Variants in ACOT7 observed in about 807,000 individuals in gnomAD.
ACOT7 encodes acyl-CoA thioesterase 7, also known as cytosolic acyl coenzyme A thioester hydrolase.
Under a neutral mutation model 40.2 loss-of-function variants are expected in ACOT7, and 12 were observed. The ratio of observed to expected loss-of-function variants is 0.30; its 90% confidence interval spans 0.19 to 0.48. ACOT7 has a LOEUF of 0.48. Among genes scored for constraint, ACOT7 ranks in the 20% least tolerant of loss-of-function variants. The probability of loss-of-function intolerance (pLI) is 0.99; values close to 1 mark genes in which losing one functional copy is unlikely to be tolerated. For synonymous variants in ACOT7, 228 were observed against 219.5 expected (o/e 1.04, Z -0.34); for missense variants, 395 against 530.8 (o/e 0.74, Z 2.51).
chr1:6,318,606 T>C, intron 5 of ACOT7, 28 bp from the exon 6 acceptor site: 1 of 1,608,278 alleles, frequency 6.2e-7, no homozygotes, highest in Admixed American at 1.7e-5. Flanking sequence ...AGAGATTAGT[T>C]ATGGGGTAGG....
At chr1:6,340,362 T>C (rs1641243818) in intron 2 of ACOT7, among the ~76,000 whole-genome samples, 1 of 152,234 alleles carries the variant, frequency 6.6e-6, no homozygotes, top group Non-Finnish European at 1.5e-5. Context: ...CCCCAAGTGA[T>C]GGGATCACCA....
intron 8 of ACOT7, among the ~76,000 whole-genome samples, chr1:6,265,204 C>A (rs1307691017): frequency 6.6e-6 from 1 of 152,178 alleles, no homozygotes; most frequent in African/African-American, 2.4e-5. Context: ...ACACAGTCAC[C>A]ACCCCGCAGA....
intron 2 of ACOT7, among the ~76,000 whole-genome samples, chr1:6,345,971 T>G (rs1641408742): frequency 6.6e-6 from 1 of 152,196 alleles, no homozygotes; most frequent in East Asian, 1.9e-4. Flanking sequence ...ATGCTCAGTC[T>G]GGAGAAACCA....
At chr1:6,327,438 G>C in intron 4 of ACOT7, 25 bp from the exon 5 acceptor site, 1 of 1,611,960 alleles carries the variant, frequency 6.2e-7, no homozygotes. Flanking sequence ...AGACAGGTCA[G>C]GCCCAGGCAG....
chr1:6,364,685 T>A (rs1641962651), intron 1 of ACOT7, among the ~76,000 whole-genome samples: 1 of 148,184 alleles, frequency 6.7e-6, no homozygotes, highest in African/African-American at 2.5e-5. Flanking sequence ...TCATCCCTAC[T>A]AAAAATACAA....
At chr1:6,335,897 G>A (rs991230829) in intron 3 of ACOT7, among the ~76,000 whole-genome samples, 1 of 152,182 alleles carries the variant, frequency 6.6e-6, no homozygotes, top group African/African-American at 2.4e-5. Context: ...ATTTCCTGTT[G>A]GATTCAGCTA....
intron 6 of ACOT7, among the ~76,000 whole-genome samples, chr1:6,308,835 A>G (rs1441391962): frequency 6.6e-6 from 1 of 152,138 alleles, no homozygotes; most frequent in African/African-American, 2.4e-5. Context: ...GGGCGGAGGG[A>G]ACAGCGACCG....
At chr1:6,304,247 T>G (rs1262634609) in intron 6 of ACOT7, among the ~76,000 whole-genome samples, 1 of 144,182 alleles carries the variant, frequency 6.9e-6, no homozygotes, top group Non-Finnish European at 1.5e-5. Flanking sequence ...ATGTTGTCAG[T>G]GGGTATCTGC....
At chr1:6,310,281 A>C (rs1268152541) in intron 6 of ACOT7, among the ~76,000 whole-genome samples, 3 of 152,248 alleles carry the variant, frequency 2.0e-5, no homozygotes, top group Non-Finnish European at 4.4e-5. Context: ...ACCCACACTC[A>C]GGGGCAGGTG....
intron 6 of ACOT7, among the ~76,000 whole-genome samples, chr1:6,315,676 G>A (rs1415743038): frequency 4.0e-5 from 6 of 148,206 alleles, no homozygotes; most frequent in Non-Finnish European, 7.4e-5. Context: ...GTGTGAACCC[G>A]GGAGGCAGAG....
At position 6,264,375 on chromosome 1, in the gene ACOT7, C is replaced by T. The variant is rs75850189; in HGVS notation, c.*222G>A. On this transcript the variant is annotated 3_prime_UTR_variant, in exon 9 of 9. Coordinates refer to ENST00000361521, the MANE Select transcript of ACOT7 (RefSeq NM_007274.4). ...TTTCTGCCCAACGCCTCCCGGCGCT[C>T]GGGACAACACTGTGTAGCATTGATA... 4,048 of 521,684 alleles carry T rather than the reference C, an allele frequency of 7.8e-3. 129 individuals carry two copies. Among genetic ancestry groups the T allele is most frequent in the African/African-American group, 0.066 (3,367 of 50,750 alleles). 32.3% of individuals were successfully genotyped at this position (521,684 alleles called of 1,614,324 possible).
chr1:6,308,009 G>C (rs1197010285), intron 6 of ACOT7, among the ~76,000 whole-genome samples: 1 of 151,834 alleles, frequency 6.6e-6, no homozygotes, highest in Non-Finnish European at 1.5e-5. Context: ...CAACCAGGCA[G>C]AGGGAACTAC....
chr1:6,363,761 G>A (rs1182531619), intron 1 of ACOT7, among the ~76,000 whole-genome samples: 4 of 152,012 alleles, frequency 2.6e-5, no homozygotes, highest in African/African-American at 4.8e-5. Flanking sequence ...TAACAGCACA[G>A]CCAGGCATTC....
In ACOT7 at chr1:6,288,482, A is replaced by G. The variant is rs569649976; in HGVS notation, c.829+6382T>C. 6.6e-6 allele frequency among the ~76,000 whole-genome samples: 1 copy of G among 152,318 alleles called. No individual in the cohort carries two copies. The highest frequency in any genetic ancestry group is 1.9e-4 in the East Asian group (1 of 5,188). ...TGGCAGCCTGTCCTAGCAGACCTGA[A>G]GTGCCAGCTGGAGGGGCTCAAGCTG... On this transcript the variant is annotated intron_variant, in intron 7 of 8. Coordinates refer to ENST00000361521, the MANE Select transcript of ACOT7 (RefSeq NM_007274.4). The surrounding 1 kb of genome is among the most constrained non-coding windows in gnomAD (Gnocchi z 4.3).
At chr1:6,385,538 C>T (rs2148482761) in intron 1 of ACOT7, 1 of 1,612,292 alleles carries the variant, frequency 6.2e-7, no homozygotes, top group Non-Finnish European at 8.5e-7. Context: ...CAGCCCTGGG[C>T]CCAACCACCT....
intron 1 of ACOT7, among the ~76,000 whole-genome samples, chr1:6,350,783 C>G (rs537935577): frequency 1.4e-4 from 21 of 152,338 alleles, no homozygotes; most frequent in African/African-American, 4.3e-4. Context: ...CCCAGGTCTG[C>G]ATCTCCTCTC....
At chr1:6,290,173 A>G (rs1233693719) in intron 7 of ACOT7, among the ~76,000 whole-genome samples, 1 of 152,234 alleles carries the variant, frequency 6.6e-6, no homozygotes, top group African/African-American at 2.4e-5. Flanking sequence ...ACGCTGGGAA[A>G]GGCGAGACAT....
At position 6,282,841 on chromosome 1, in the gene ACOT7, C is replaced by T. The variant is rs546583988; in HGVS notation, c.830-1555G>A. On this transcript the variant is annotated intron_variant, in intron 7 of 8. Coordinates refer to ENST00000361521, the MANE Select transcript of ACOT7 (RefSeq NM_007274.4). The surrounding 1 kb of genome is among the most constrained non-coding windows in gnomAD (Gnocchi z 4.5). ...ATGCAAAGCGCCCGCAGTCACAAGA[C>T]GCACCCCGGGAGGAGGGCAGGCCAT... 1,895 of 1,283,968 alleles carry T rather than the reference C, an allele frequency of 1.5e-3. 24 individuals carry two copies. In the South Asian group the frequency reaches 0.016, roughly 11 times the overall value. 79.5% of individuals were successfully genotyped at this position (1,283,968 alleles called of 1,614,324 possible).
rs909991998 is a variant in ACOT7, at chr1:6,298,904, G to A, written c.713-3924C>T. On this transcript the variant is annotated intron_variant, in intron 6 of 8. Transcript: ENST00000361521. ...TCAATATCGAGGGCTTCCTTGGAGG[G>A]GGCAGCCTCAGCTTCTGAATTAACC... Among the ~76,000 whole-genome samples the A allele has an allele frequency of 2.2e-4, 33 of 152,248 alleles. 1 individual carries two copies. Among genetic ancestry groups the A allele is most frequent in the Non-Finnish European group, 1.3e-4 (9 of 68,042 alleles).
Sources: gnomAD v4.1 joint callset for allele counts (sites outside exome capture counted in the v4.1 genomes callset) on GRCh38, gnomAD v4.1.1 for gene constraint, Gnocchi (gnomAD v3.1) non-coding constraint, MANE v1.5 for transcripts, NCBI Gene and HGNC (gene_info 2026-07-23, HGNC 2026-07-21) for gene names.